The following NRDE2 variants were observed in gnomAD, a reference collection of about 807,000 sequenced individuals.
The protein encoded by NRDE2 is nuclear exosome regulator NRDE2.
NRDE2 carries 76 observed loss-of-function variants against 124.2 expected under a neutral mutation model. That is an observed-to-expected ratio of 0.61 (90% CI 0.51 to 0.74). The LOEUF (loss-of-function observed/expected upper bound fraction) is 0.74, where lower values mean the gene tolerates loss of function less well. NRDE2 is among the 30% of genes least tolerant of loss of function. The pLI is 0.00. For synonymous variants in NRDE2, 489 were observed against 528.1 expected (o/e 0.93, Z 1.01); for missense variants, 1,314 against 1,417.3 (o/e 0.93, Z 1.17).
Position 90,289,009 on chromosome 14 carries a change from A to G in NRDE2, c.2366T>C (p.Leu789Pro). 3 of 1,614,126 alleles carry G rather than the reference A, an allele frequency of 1.9e-6. No homozygotes were observed. Among genetic ancestry groups the G allele is most frequent in the Non-Finnish European group, 2.5e-6 (3 of 1,179,950 alleles). ...CTCCGTGTTGCCAAGCAACCACTCC[A>G]GATGTGCATACTGCTTCCACAGGCA... ...NFCLWKQYAHLEWLLGNTEDA... is the reference protein window; with the variant it reads ...NFCLWKQYAHPEWLLGNTEDA... Residue 789 changes from leucine to proline, a missense_variant, in exon 11 of 14, where the codon CTG (leucine) becomes CCG (proline). Transcript: ENST00000354366.
chr14:90,327,918 C>T (rs1378126211), intron 1 of NRDE2, among the ~76,000 whole-genome samples: 3 of 151,866 alleles, frequency 2.0e-5, no homozygotes, highest in African/African-American at 7.3e-5. Flanking sequence ...CAGAGGCGGG[C>T]GGATCATGAG....
At chr14:90,320,763 C>A (rs1885212840) in intron 1 of NRDE2, among the ~76,000 whole-genome samples, 1 of 152,164 alleles carries the variant, frequency 6.6e-6, no homozygotes, top group Admixed American at 6.5e-5. Context: ...AGGCCAAACA[C>A]CAGGCTAAGA....
chr14:90,299,663 G>A (rs1884316659), intron 7 of NRDE2, among the ~76,000 whole-genome samples: 1 of 152,172 alleles, frequency 6.6e-6, no homozygotes, highest in South Asian at 2.1e-4. Context: ...GCCTGGAGGA[G>A]TATTGCCTCC....
Position 90,271,892 on chromosome 14 carries a change from ATTTTTT to A in NRDE2, c.*6438_*6443del, listed in dbSNP as rs58641715. ...TGTCTCATGCTTTATTTCAGAACAG[ATTTTTT>A]TTTTTTTTTTTTTGAGGTAGAGTTT... On this transcript the variant is annotated 3_prime_UTR_variant, in exon 14 of 14. Coordinates refer to ENST00000354366, the MANE Select transcript of NRDE2 (RefSeq NM_017970.4). The A allele has an allele frequency of 6.8e-4, 95 of 140,116 alleles. No homozygotes were observed. Among genetic ancestry groups the A allele is most frequent in the South Asian group, 3.0e-3 (14 of 4,600 alleles). The allele number at this position is 140,116 out of a possible 1,614,324, so 8.7% of individuals were successfully genotyped here.
chr14:90,292,572 C>T, intron 9 of NRDE2, 125 bp downstream of exon 9: 7 of 1,007,544 alleles, frequency 6.9e-6, no homozygotes, highest in South Asian at 1.6e-5. Flanking sequence ...AGGTTAGCAT[C>T]TCCTAAGCTA....
In NRDE2 at chr14:90,268,203, T is replaced by A. The variant is rs561021969; in HGVS notation, c.*10133A>T. 8.4e-5 allele frequency: 130 copies of A among 1,543,448 alleles called. No homozygotes were observed. Among genetic ancestry groups the A allele is most frequent in the African/African-American group, 6.3e-4 (45 of 71,700 alleles). ...GCACTTAAGGTGTCTTTTTTTTTTT[T>A]ATCTTTTTCATCCAAAATAGGTAAA... On this transcript the variant is annotated 3_prime_UTR_variant, in exon 14 of 14. Coordinates refer to ENST00000354366, the MANE Select transcript of NRDE2 (RefSeq NM_017970.4).
At chr14:90,280,867 C>T (rs1280146584) in intron 12 of NRDE2, 2 of 152,304 alleles carry the variant, frequency 1.3e-5, no homozygotes, top group Non-Finnish European at 1.5e-5. Flanking sequence ...GGTACTGTGT[C>T]TGCACCCTAT....
chr14:90,288,134 C>G (rs1329258619), intron 11 of NRDE2, 83 bp downstream of exon 11: 1 of 1,324,216 alleles, frequency 7.6e-7, no homozygotes, highest in East Asian at 2.3e-5. Flanking sequence ...CCCTGTCTTC[C>G]TGAGACCCAG....
chr14:90,328,469 TAATG>T (rs1885539188), intron 1 of NRDE2, among the ~76,000 whole-genome samples: 1 of 152,170 alleles, frequency 6.6e-6, no homozygotes, highest in South Asian at 2.1e-4. Flanking sequence ...AATGAAATAA[TAATG>T]AACCTAAACA....
At chr14:90,286,625 G>T in intron 11 of NRDE2, 133 bp from the exon 12 acceptor site, 1 of 1,150,180 alleles carries the variant, frequency 8.7e-7, no homozygotes, top group Non-Finnish European at 1.2e-6. Context: ...CTGTCCCTCA[G>T]GCGTAGAGCG....
Position 90,303,028 on chromosome 14 carries a change from G to C in NRDE2, c.1103C>G (p.Ala368Gly). 3 of 1,613,966 alleles carry C rather than the reference G, an allele frequency of 1.9e-6. No individual in the cohort carries two copies. Among genetic ancestry groups the C allele is most frequent in the South Asian group, 1.1e-5 (1 of 91,084 alleles). The change falls in exon 6 of 14, where the codon GCC becomes GGC. Residue 368 changes from alanine to glycine, a missense_variant. Physicochemically the swap from Ala to Gly is moderately conservative, Grantham distance 60. Coordinates refer to ENST00000354366, the MANE Select transcript of NRDE2 (RefSeq NM_017970.4). ...GCTCTCAATGGCCCGCTCCAGAATG[G>C]CCAGCTTCTTCTCCAGAATGAGCTT... ...SLKLILEKKLAILERAIESNQ... is the reference protein window; with the variant it reads ...SLKLILEKKLGILERAIESNQ...
rs1003323734 is a variant in NRDE2, at chr14:90,276,725, C to T, written c.*1611G>A. 7 of 152,194 alleles carry T rather than the reference C, an allele frequency of 4.6e-5. No homozygotes were observed. The highest frequency in any genetic ancestry group is 7.2e-5 in the African/African-American group (3 of 41,438). The allele number at this position is 152,194 out of a possible 1,614,324, so 9.4% of individuals were successfully genotyped here. A position where few individuals can be genotyped will look rare whatever the true frequency, so the allele number is the denominator to read the frequency against. On this transcript the variant is annotated 3_prime_UTR_variant, in exon 14 of 14. Coordinates refer to ENST00000354366, the MANE Select transcript of NRDE2 (RefSeq NM_017970.4). The stretch of plus-strand genomic sequence containing the variant: ...CTGGCTCTCAAGGGACAGGTTGCCA[C>T]TGGGGTTTGGAGGGAACCAGCTGAT...
Position 90,268,383 on chromosome 14 carries a change from T to C in NRDE2, c.*9953A>G, listed in dbSNP as rs373464261. ...GAACATGCACCGTCCATCGTGTTTA[T>C]TGATGAAATTGACGCCATTGGGACA... On this transcript the variant is annotated 3_prime_UTR_variant, in exon 14 of 14. Transcript: ENST00000354366. The C allele has an allele frequency of 1.4e-5, 23 of 1,612,758 alleles. No homozygotes were observed. Among genetic ancestry groups the C allele is most frequent in the African/African-American group, 2.7e-5 (2 of 74,848 alleles).
intron 6 of NRDE2, among the ~76,000 whole-genome samples, chr14:90,302,077 G>A (rs1409557350): frequency 2.0e-5 from 3 of 152,114 alleles, no homozygotes; most frequent in Non-Finnish European, 4.4e-5. Flanking sequence ...GGATTATCTC[G>A]TTTACTGTGC....
In NRDE2 at chr14:90,272,453, C is replaced by A; in HGVS notation, c.*5883G>T. 3 of 1,475,536 alleles carry A rather than the reference C, an allele frequency of 2.0e-6. No individual in the cohort carries two copies. The highest frequency in any genetic ancestry group is 2.7e-6 in the Non-Finnish European group (3 of 1,092,510). 91.4% of individuals were successfully genotyped at this position (1,475,536 alleles called of 1,614,324 possible). A position where few individuals can be genotyped will look rare whatever the true frequency, so the allele number is the denominator to read the frequency against. On this transcript the variant is annotated 3_prime_UTR_variant, in exon 14 of 14. Transcript: ENST00000354366. The surrounding 1 kb of genome is among the most constrained non-coding windows in gnomAD (Gnocchi z 4.5). ...GAAAATGGTTGGGAGATTTCTCAAT[C>A]CCTGAAAGGGATGAGGTTGGGGGAG...
chr14:90,271,410 A>G lies in NRDE2; in HGVS notation c.*6926T>C, dbSNP rs1464225184. 8 of 152,350 alleles carry G rather than the reference A, an allele frequency of 5.3e-5. No homozygotes were observed. In the East Asian group the frequency reaches 5.8e-4, roughly 11 times the overall value. The allele number at this position is 152,350 out of a possible 1,614,324, so 9.4% of individuals were successfully genotyped here. ...TTCTAAACAGATCAGGCCTAAAACA[A>G]TAACAGTAACCCATGTAACATGGGT... On this transcript the variant is annotated 3_prime_UTR_variant, in exon 14 of 14. Transcript: ENST00000354366.
rs1344964343 is a variant in NRDE2, at chr14:90,277,354, G to A, written c.*982C>T. 1 of 152,268 alleles carries A rather than the reference G, an allele frequency of 6.6e-6. No homozygotes were observed. The highest frequency in any genetic ancestry group is 2.4e-5 in the African/African-American group (1 of 41,458). 9.4% of individuals were successfully genotyped at this position (152,268 alleles called of 1,614,324 possible). On this transcript the variant is annotated 3_prime_UTR_variant, in exon 14 of 14. Coordinates refer to ENST00000354366, the MANE Select transcript of NRDE2 (RefSeq NM_017970.4). Reference sequence around the variant, plus strand: ...AAGAGAGGAAAACAAAACAAAAAAAGCCAGAGAGAAGCTAGCCAGTCTAGA... The same window carrying A: ...AAGAGAGGAAAACAAAACAAAAAAAACCAGAGAGAAGCTAGCCAGTCTAGA...
Position 90,270,893 on chromosome 14 carries a change from T to G in NRDE2, c.*7443A>C, listed in dbSNP as rs1891643521. ...GCTTTTCCTGGAAAGAGCTGGGTTT[T>G]CGTTGGGCATAAATGCCATGGTTAG... is the stretch of plus-strand genomic sequence containing the variant. On this transcript the variant is annotated 3_prime_UTR_variant, in exon 14 of 14. Transcript: ENST00000354366. 6.6e-6 allele frequency: 1 copy of G among 152,314 alleles called. No homozygotes were observed. Among genetic ancestry groups the G allele is most frequent in the Non-Finnish European group, 1.5e-5 (1 of 68,106 alleles). The allele number at this position is 152,314 out of a possible 1,614,324, so 9.4% of individuals were successfully genotyped here. A position where few individuals can be genotyped will look rare whatever the true frequency, so the allele number is the denominator to read the frequency against.
In NRDE2 at chr14:90,304,276, G is replaced by T; in HGVS notation, c.664C>A (p.Arg222Ser). The change falls in exon 5 of 14, where the codon CGC becomes AGC. Residue 222 changes from arginine (R) to serine (S), a missense_variant. Transcript: ENST00000354366. ...EKKHSRKQVE[R>S]YFTKKSVGLM... ...CCCACACTCTTCTTAGTAAAATAGC[G>T]TTCAACCTGCTTGCGTGAATGCTTC... is the stretch of plus-strand genomic sequence containing the variant. 1 of 1,614,038 alleles carries T rather than the reference G, an allele frequency of 6.2e-7. No homozygotes were observed. Among genetic ancestry groups the T allele is most frequent in the Non-Finnish European group, 8.5e-7 (1 of 1,179,982 alleles).
Sources: gnomAD v4.1 joint callset for allele counts (sites outside exome capture counted in the v4.1 genomes callset) on GRCh38, gnomAD v4.1.1 for gene constraint, Gnocchi (gnomAD v3.1) non-coding constraint, MANE v1.5 for transcripts, NCBI Gene and HGNC (gene_info 2026-07-23, HGNC 2026-07-21) for gene names.